Variants in DNAH10 observed in about 807,000 individuals in gnomAD.
DNAH10 encodes the protein dynein axonemal heavy chain 10, also known as axonemal beta dynein heavy chain 10.
Under a neutral mutation model 506.6 loss-of-function variants are expected in DNAH10, and 348 were observed. The ratio of observed to expected loss-of-function variants is 0.69; its 90% CI spans 0.63 to 0.75. DNAH10 has a LOEUF of 0.75. DNAH10 is among the 30% of genes least tolerant of loss of function. The pLI is 0.00. For missense variants in DNAH10, 5,179 were observed against 5,787.1 expected (o/e 0.89, Z 3.41); for synonymous variants, 2,059 against 2,198.6 (o/e 0.94, Z 1.78).
intron 72 of DNAH10, 115 bp from the exon 73 acceptor site, chr12:123,930,287 C>T (rs1284808187): frequency 4.0e-6 from 4 of 1,008,826 alleles, no homozygotes; most frequent in Non-Finnish European, 5.5e-6. Flanking sequence ...TCAAGCCTTG[C>T]AGCAGCCAGG....
At chr12:123,809,752 C>G (rs893640584) in intron 19 of DNAH10, among the ~76,000 whole-genome samples, 2 of 152,176 alleles carry the variant, frequency 1.3e-5, no homozygotes, top group African/African-American at 4.8e-5. Flanking sequence ...GGAACATAAT[C>G]CAGATATCTT....
chr12:123,871,411 C>G (rs1415032207), intron 44 of DNAH10, 46 bp from the exon 45 acceptor site: 2 of 1,566,564 alleles, frequency 1.3e-6, no homozygotes, highest in Non-Finnish European at 1.7e-6. Context: ...CAGTGCTCAC[C>G]CTATTGGAGT....
intron 3 of DNAH10, 81 bp downstream of exon 3, chr12:123,771,779 C>T (rs1957262820): frequency 8.7e-7 from 1 of 1,148,488 alleles, no homozygotes; most frequent in Non-Finnish European, 1.3e-6. Context: ...CTGACATAGC[C>T]CCATCCAAGG....
Position 123,814,428 on chromosome 12 carries a change from G to A in DNAH10, c.3780+516G>A, listed in dbSNP as rs1312444223. 2.0e-5 allele frequency among the ~76,000 whole-genome samples: 3 copies of A among 152,196 alleles called. No homozygotes were observed. In the East Asian group the frequency reaches 5.8e-4, roughly 29 times the overall value. ...GAAAGAAAGTCAAGTTTTTGGCCCA[G>A]GTCTACTGCTCAGCAAGGGCATTTG... On this transcript the variant is annotated intron_variant, in intron 21 of 78. Transcript: ENST00000673944.
At chr12:123,797,213 T>G (rs1958311700) in intron 13 of DNAH10, among the ~76,000 whole-genome samples, 1 of 152,024 alleles carries the variant, frequency 6.6e-6, no homozygotes, top group South Asian at 2.1e-4. Context: ...CCCTCCCCGA[T>G]CCCATCCAGG....
rs532500416 is a variant in DNAH10 at position 123,841,255 on chromosome 12, C to T, written c.5137-67C>T. 128 of 1,539,940 alleles carry T rather than the reference C, an allele frequency of 8.3e-5. No homozygotes were observed. In the Middle Eastern group the frequency reaches 1.5e-3, roughly 18 times the overall value. Reference sequence around the variant, plus strand: ...CGTGGCAGCTCTGCTGGATGGAGCACCGCTGGCTGGTCTTTGATTCCAGAA... The same window carrying T: ...CGTGGCAGCTCTGCTGGATGGAGCATCGCTGGCTGGTCTTTGATTCCAGAA... On this transcript the variant is annotated intron_variant, in intron 29 of 78. Coordinates refer to ENST00000673944, the MANE Select transcript of DNAH10 (RefSeq NM_001372106.1).
At chr12:123,773,709 C>T (rs1054538064) in intron 4 of DNAH10, among the ~76,000 whole-genome samples, 7 of 152,184 alleles carry the variant, frequency 4.6e-5, no homozygotes, top group Non-Finnish European at 7.3e-5. Flanking sequence ...CCAATCCAAT[C>T]GTGAGACTCC....
chr12:123,834,316 T>C (rs1300979732), intron 27 of DNAH10, among the ~76,000 whole-genome samples: 1 of 152,162 alleles, frequency 6.6e-6, no homozygotes, highest in East Asian at 1.9e-4. Context: ...CAAGTGATTC[T>C]CCTGCCTCAG....
At position 123,853,940 on chromosome 12, in the gene DNAH10, GCA is replaced by G. The variant is rs912242569; in HGVS notation, c.6438+601_6438+602del. 5.4e-5 allele frequency among the ~76,000 whole-genome samples: 8 copies of G among 149,336 alleles called. No individual in the cohort carries two copies. The highest frequency in any genetic ancestry group is 1.9e-4 in the East Asian group (1 of 5,130). ...TACGCACACGCACGCACACGCACAC[GCA>G]CACACACACACATTTGGGTAGTAAA... On this transcript the variant is annotated intron_variant, in intron 36 of 78. Coordinates refer to ENST00000673944, the MANE Select transcript of DNAH10 (RefSeq NM_001372106.1). The surrounding 1 kb of genome is among the most constrained non-coding windows in gnomAD (Gnocchi z 4.7).
chr12:123,927,024 T>C (rs1398106121), intron 69 of DNAH10: 1 of 623,078 alleles, frequency 1.6e-6, no homozygotes, highest in Non-Finnish European at 2.7e-6. Context: ...CATGGTGCTG[T>C]GCTGTTTTCT....
Position 123,914,968 on chromosome 12 carries a change from T to C in DNAH10, c.10691T>C (p.Ile3564Thr), listed in dbSNP as rs751365181. 2.5e-6 allele frequency: 4 copies of C among 1,610,700 alleles called. No individual in the cohort carries two copies. The East Asian group carries it at 6.7e-5, about 27-fold the overall frequency. ...IDPQQQALNWIKRKEEKNNLR... is the reference protein window; with the variant it reads ...IDPQQQALNWTKRKEEKNNLR... The stretch of plus-strand genomic sequence containing the variant: ...CCCCAGCAGCAGGCCCTCAACTGGA[T>C]CAAGAGAAAAGAGGAGAAGAACAAT... The change falls in exon 62 of 79, where the codon ATC (isoleucine) becomes ACC (threonine). Residue 3564 changes from isoleucine (I) to threonine (T), a missense_variant. By Grantham distance (89) the Ile-to-Thr change is moderately conservative. Transcript: ENST00000673944.
At chr12:123,905,193 G>A (rs998855289) in intron 57 of DNAH10, among the ~76,000 whole-genome samples, 1 of 152,136 alleles carries the variant, frequency 6.6e-6, no homozygotes, top group African/African-American at 2.4e-5. Flanking sequence ...GAACTTCCCC[G>A]ATATTTTAGA....
intron 21 of DNAH10, among the ~76,000 whole-genome samples, chr12:123,817,356 C>T (rs550867826): frequency 6.6e-6 from 1 of 151,970 alleles, no homozygotes; most frequent in South Asian, 2.1e-4. Context: ...TTCTACAATA[C>T]CCTGTACATC....
intron 10 of DNAH10, 43 bp downstream of exon 10, chr12:123,788,045 G>A: frequency 6.5e-7 from 1 of 1,550,266 alleles, no homozygotes; most frequent in East Asian, 2.4e-5. Flanking sequence ...CCCGAAGAAG[G>A]CAGTTGGCTT....
intron 11 of DNAH10, among the ~76,000 whole-genome samples, chr12:123,792,899 G>A (rs1297344143): frequency 5.9e-5 from 9 of 152,178 alleles, no homozygotes; most frequent in Non-Finnish European, 1.2e-4. Context: ...TTTTGCTGGA[G>A]CACATTTAGT....
intron 18 of DNAH10, among the ~76,000 whole-genome samples, chr12:123,808,323 G>A (rs900013046): frequency 2.0e-5 from 3 of 151,970 alleles, no homozygotes; most frequent in African/African-American, 4.8e-5. Flanking sequence ...GAGCCACTGC[G>A]CCCCGCTAGA....
rs534778023 is a variant in DNAH10, at chr12:123,790,562, C to T, written c.1815+441C>T. On this transcript the variant is annotated intron_variant, in intron 11 of 78. Coordinates refer to ENST00000673944, the MANE Select transcript of DNAH10 (RefSeq NM_001372106.1). ...AAGATTTGGATGGGGGAAATGGGGA[C>T]GAGGAAGGAGGCTGAGACAGCGGAG... 7.3e-5 allele frequency among the ~76,000 whole-genome samples: 11 copies of T among 151,682 alleles called. 1 individual carries two copies. The South Asian group carries it at 1.3e-3, about 17-fold the overall frequency.
chr12:123,924,520 G>T, intron 67 of DNAH10, 88 bp downstream of exon 67: 1 of 1,508,338 alleles, frequency 6.6e-7, no homozygotes, highest in Non-Finnish European at 9.0e-7. Context: ...CTTAAGAGAA[G>T]ACACTCCTTT....
At chr12:123,765,228 C>T (rs976641999) in intron 1 of DNAH10, among the ~76,000 whole-genome samples, 1 of 151,960 alleles carries the variant, frequency 6.6e-6, no homozygotes, top group East Asian at 1.9e-4. Flanking sequence ...GATACTGATG[C>T]AGTAGGTACA....
Sources: gnomAD v4.1 joint callset for allele counts (sites outside exome capture counted in the v4.1 genomes callset) on GRCh38, gnomAD v4.1.1 for gene constraint, Gnocchi (gnomAD v3.1) non-coding constraint, MANE v1.5 for transcripts, NCBI Gene and HGNC (gene_info 2026-07-23, HGNC 2026-07-21) for gene names.